KIRREL3: variants seen among roughly 807,000 people sequenced by gnomAD.
KIRREL3 encodes kirre like nephrin family adhesion molecule 3, also known as kin of IRRE-like protein 3.
Under a neutral mutation model 89.7 loss-of-function variants are expected in KIRREL3, and 36 were observed. That is an observed-to-expected ratio of 0.40 (90% confidence interval 0.31 to 0.53). The LOEUF is 0.53. KIRREL3 is among the 20% of genes least tolerant of loss of function. The pLI is 0.49. For synonymous variants in KIRREL3, 445 were observed against 441.4 expected (o/e 1.01, Z -0.10); for missense variants, 864 against 1,056.6 (o/e 0.82, Z 2.53).
In KIRREL3 at chr11:126,940,117, A is replaced by G. The variant is rs1005401046; in HGVS notation, c.55+60338T>C. On this transcript the variant is annotated intron_variant, in intron 1 of 16. Coordinates refer to ENST00000525144, the MANE Select transcript of KIRREL3 (RefSeq NM_032531.4). This position sits in a 1 kb window ranked among gnomAD's most constrained non-coding sequence, Gnocchi z 4.6. ...AGATCATCAAATGCCCACTCCCCCA[A>G]GAAAAGAAGCAGTTTGGACCACAGG... is the stretch of plus-strand genomic sequence containing the variant. Among the ~76,000 whole-genome samples the G allele has an allele frequency of 1.3e-5, 2 of 152,192 alleles. No individual in the cohort carries two copies. The highest frequency in any genetic ancestry group is 2.9e-5 in the Non-Finnish European group (2 of 68,032).
In KIRREL3 at chr11:126,559,124, A is replaced by G. The variant is rs1939923270; in HGVS notation, c.133+3711T>C. Among the ~76,000 whole-genome samples the G allele has an allele frequency of 1.3e-5, 2 of 151,938 alleles. 1 individual carries two copies. Among genetic ancestry groups the G allele is most frequent in the South Asian group, 4.2e-4 (2 of 4,814 alleles). On this transcript the variant is annotated intron_variant, in intron 2 of 16. Transcript: ENST00000525144. ...AGCCCTGCTTCCACGACTTGCCTGG[A>G]CCCTACTCCCAGGAAGGGGCTGTAG...
chr11:126,507,926 TG>T (rs1648080325), intron 4 of KIRREL3, among the ~76,000 whole-genome samples: 1 of 152,202 alleles, frequency 6.6e-6, no homozygotes, highest in African/African-American at 2.4e-5. Context: ...CTATTTCCTT[TG>T]TTGACCTTAG....
At position 126,530,543 on chromosome 11, in the gene KIRREL3, T is replaced by C. The variant is rs1958909763; in HGVS notation, c.134-3856A>G. Among the ~76,000 whole-genome samples the C allele has an allele frequency of 6.6e-6, 1 of 152,232 alleles. No individual in the cohort carries two copies. Among genetic ancestry groups the C allele is most frequent in the South Asian group, 2.1e-4 (1 of 4,832 alleles). Reference sequence around the variant, plus strand: ...CACACACACACTGACCGGACCCTGCTGTGAGGCAGGCACTGTGCTGTCTGG... The same window carrying C: ...CACACACACACTGACCGGACCCTGCCGTGAGGCAGGCACTGTGCTGTCTGG... On this transcript the variant is annotated intron_variant, in intron 2 of 16. Transcript: ENST00000525144. This position sits in a 1 kb window ranked among gnomAD's most constrained non-coding sequence, Gnocchi z 5.8.
At chr11:126,781,970 C>G (rs1053137542) in intron 1 of KIRREL3, among the ~76,000 whole-genome samples, 1 of 152,124 alleles carries the variant, frequency 6.6e-6, no homozygotes, top group Non-Finnish European at 1.5e-5. Context: ...TAAAACAAGA[C>G]CTTTTGTTAC....
At chr11:126,602,393 C>A (rs1228464169) in intron 1 of KIRREL3, among the ~76,000 whole-genome samples, 4 of 152,174 alleles carry the variant, frequency 2.6e-5, no homozygotes, top group African/African-American at 7.2e-5. Flanking sequence ...GCCCCAGAAG[C>A]CATAGTAATA....
In KIRREL3 at chr11:126,948,695, C is replaced by T. The variant is rs1422749853; in HGVS notation, c.55+51760G>A. On this transcript the variant is annotated intron_variant, in intron 1 of 16. Coordinates refer to ENST00000525144, the MANE Select transcript of KIRREL3 (RefSeq NM_032531.4). The surrounding 1 kb of genome is among the most constrained non-coding windows in gnomAD (Gnocchi z 4.5). Reference sequence around the variant, plus strand: ...GATTTCCACCTCCTCAGGGAGTCTGCCTTGACTGGATGGAAATACAAGGTG... The same window carrying T: ...GATTTCCACCTCCTCAGGGAGTCTGTCTTGACTGGATGGAAATACAAGGTG... Among the ~76,000 whole-genome samples the T allele has an allele frequency of 6.6e-6, 1 of 152,196 alleles. No homozygotes were observed.
In KIRREL3 at chr11:126,912,502, C is replaced by T. The variant is rs1946864573; in HGVS notation, c.55+87953G>A. On this transcript the variant is annotated intron_variant, in intron 1 of 16. Coordinates refer to ENST00000525144, the MANE Select transcript of KIRREL3 (RefSeq NM_032531.4). This position sits in a 1 kb window ranked among gnomAD's most constrained non-coding sequence, Gnocchi z 4.7. ...AGCACCCCTCACAGTAGGCATCAAC[C>T]AAGAACATATCACACTCACCTACAA... 6.6e-6 allele frequency among the ~76,000 whole-genome samples: 1 copy of T among 152,186 alleles called. No homozygotes were observed.
rs1036549599 is a variant in KIRREL3 at position 126,640,204 on chromosome 11, C to T, written c.56-77292G>A. Among the ~76,000 whole-genome samples, 2 of 152,054 alleles carry T rather than the reference C, an allele frequency of 1.3e-5. No homozygotes were observed. Among genetic ancestry groups the T allele is most frequent in the African/African-American group, 2.4e-5 (1 of 41,396 alleles). ...CACCCTTCAGCTGGTGAGTGGTCCC[C>T]GAGAGCTTCTGTCATTTGTAGAGTG... is the stretch of plus-strand genomic sequence containing the variant. On this transcript the variant is annotated intron_variant, in intron 1 of 16. Coordinates refer to ENST00000525144, the MANE Select transcript of KIRREL3 (RefSeq NM_032531.4). This position sits in a 1 kb window ranked among gnomAD's most constrained non-coding sequence, Gnocchi z 4.9.
In KIRREL3 at chr11:126,558,137, G is replaced by A. The variant is rs1239419749; in HGVS notation, c.133+4698C>T. ...GAGGGAGGAGTACCCTCCTGTGCAG[G>A]CCCCCCTCTGCCCCAAGGGGATGGC... On this transcript the variant is annotated intron_variant, in intron 2 of 16. Coordinates refer to ENST00000525144, the MANE Select transcript of KIRREL3 (RefSeq NM_032531.4). The surrounding 1 kb of genome is among the most constrained non-coding windows in gnomAD (Gnocchi z 4.0). Among the ~76,000 whole-genome samples the A allele has an allele frequency of 6.6e-6, 1 of 152,146 alleles. No individual in the cohort carries two copies. Among genetic ancestry groups the A allele is most frequent in the African/African-American group, 2.4e-5 (1 of 41,430 alleles).
rs1946179132 is a variant in KIRREL3, at chr11:126,676,167, C to G, written c.56-113255G>C. ...GTAGGTCTAGAGCTCTGAAGAGAGA[C>G]TTCATTAGAGATTACAAGCAGGGGT... is the stretch of plus-strand genomic sequence containing the variant. On this transcript the variant is annotated intron_variant, in intron 1 of 16. Coordinates refer to ENST00000525144, the MANE Select transcript of KIRREL3 (RefSeq NM_032531.4). The surrounding 1 kb of genome is among the most constrained non-coding windows in gnomAD (Gnocchi z 4.5). Among the ~76,000 whole-genome samples, 1 of 152,088 alleles carries G rather than the reference C, an allele frequency of 6.6e-6. No individual in the cohort carries two copies. The highest frequency in any genetic ancestry group is 2.4e-5 in the African/African-American group (1 of 41,390).
In KIRREL3 at chr11:126,782,013, G is replaced by A. The variant is rs1950340609; in HGVS notation, c.55+218442C>T. Among the ~76,000 whole-genome samples the A allele has an allele frequency of 6.6e-6, 1 of 152,140 alleles. No individual in the cohort carries two copies. The highest frequency in any genetic ancestry group is 6.5e-5 in the Admixed American group (1 of 15,274). On this transcript the variant is annotated intron_variant, in intron 1 of 16. Transcript: ENST00000525144. The surrounding 1 kb of genome is among the most constrained non-coding windows in gnomAD (Gnocchi z 4.1). The stretch of plus-strand genomic sequence containing the variant: ...AGATTTTAAATAAAAAAGATTTGGG[G>A]AAAGTTAACACATTGACTAAAATTC...
chr11:126,956,747 A>T (rs1312009127), intron 1 of KIRREL3, among the ~76,000 whole-genome samples: 1 of 152,210 alleles, frequency 6.6e-6, no homozygotes, highest in Non-Finnish European at 1.5e-5. Context: ...AACAAATTAC[A>T]CTTTGGAAAT....
At chr11:126,774,164 CTTTT>C (rs5795521) in intron 1 of KIRREL3, among the ~76,000 whole-genome samples, 21 of 137,124 alleles carry the variant, frequency 1.5e-4, no homozygotes, top group Non-Finnish European at 2.2e-4. Flanking sequence ...GAGAGTAAAG[CTTTT>C]TTTTTTTTTT....
Position 126,564,340 on chromosome 11 carries a change from A to C in KIRREL3, c.56-1428T>G, listed in dbSNP as rs1940356494. Among the ~76,000 whole-genome samples, 1 of 152,202 alleles carries C rather than the reference A, an allele frequency of 6.6e-6. No individual in the cohort carries two copies. The highest frequency in any genetic ancestry group is 1.5e-5 in the Non-Finnish European group (1 of 68,040). On this transcript the variant is annotated intron_variant, in intron 1 of 16. Coordinates refer to ENST00000525144, the MANE Select transcript of KIRREL3 (RefSeq NM_032531.4). The surrounding 1 kb of genome is among the most constrained non-coding windows in gnomAD (Gnocchi z 7.4). ...AGCATAGCAGGATGAAAGAGAGTGC[A>C]GGGCCCATGAGACACAGATAAGTCA...
Position 126,776,575 on chromosome 11 carries a change from C to G in KIRREL3, c.56-213663G>C, listed in dbSNP as rs1950175486. On this transcript the variant is annotated intron_variant, in intron 1 of 16. Transcript: ENST00000525144. This position sits in a 1 kb window ranked among gnomAD's most constrained non-coding sequence, Gnocchi z 4.7. The stretch of plus-strand genomic sequence containing the variant: ...GCAGGTCCCTTAAGAGAGATTGAGT[C>G]CTTCTCTAGCAATAAGACCTAGCAT... 6.6e-6 allele frequency among the ~76,000 whole-genome samples: 1 copy of G among 152,178 alleles called. No homozygotes were observed. Among genetic ancestry groups the G allele is most frequent in the African/African-American group, 2.4e-5 (1 of 41,434 alleles).
chr11:126,842,486 A>T (rs971951716), intron 1 of KIRREL3, among the ~76,000 whole-genome samples: 3 of 152,164 alleles, frequency 2.0e-5, no homozygotes. Flanking sequence ...CCACTGCAAG[A>T]CCATGACCAT....
chr11:126,462,806 C>A lies in KIRREL3; in HGVS notation c.742+351G>T, dbSNP rs1260153403. On this transcript the variant is annotated intron_variant, in intron 6 of 16. Coordinates refer to ENST00000525144, the MANE Select transcript of KIRREL3 (RefSeq NM_032531.4). This position sits in a 1 kb window ranked among gnomAD's most constrained non-coding sequence, Gnocchi z 4.8. ...CTTGCCAATTCTGAAGCCTGGGGACCCTTCAAATACCAGCATCTCCACTCA... is the reference window on the plus strand; with the variant it reads ...CTTGCCAATTCTGAAGCCTGGGGACACTTCAAATACCAGCATCTCCACTCA... Among the ~76,000 whole-genome samples the A allele has an allele frequency of 6.6e-6, 1 of 152,166 alleles. No individual in the cohort carries two copies. The highest frequency in any genetic ancestry group is 1.5e-5 in the Non-Finnish European group (1 of 68,028).
At chr11:126,815,786 C>T (rs576643310) in intron 1 of KIRREL3, among the ~76,000 whole-genome samples, 115 of 152,288 alleles carry the variant, frequency 7.6e-4, no homozygotes, top group Admixed American at 2.3e-3. Context: ...CTGCCCACCT[C>T]GGCCTCCCAA....
In KIRREL3 at chr11:126,446,859, T is replaced by G; in HGVS notation, c.1025A>C (p.Gln342Pro). 6.2e-7 allele frequency: 1 copy of G among 1,604,396 alleles called. No homozygotes were observed. Among genetic ancestry groups the G allele is most frequent in the South Asian group, 1.1e-5 (1 of 88,842 alleles). The change falls in exon 9 of 17, where the codon CAA (glutamine) becomes CCA (proline). Residue 342 changes from glutamine to proline, a missense_variant. Gln to Pro is a moderately conservative substitution (Grantham distance 76, BLOSUM62 -1). Transcript: ENST00000525144. ...AGAGCCCAGATCCACGAGCAAGGAT[T>G]GGGGTTCTGTGGTCATCCGGGGCCC... ...YFGPRMTTEP[Q>P]SLLVDLGSDA...
Sources: gnomAD v4.1 joint callset for allele counts (sites outside exome capture counted in the v4.1 genomes callset) on GRCh38, gnomAD v4.1.1 for gene constraint, Gnocchi (gnomAD v3.1) non-coding constraint, MANE v1.5 for transcripts, NCBI Gene and HGNC (gene_info 2026-07-23, HGNC 2026-07-21) for gene names.